The following PAICS variants were observed in gnomAD, a reference collection of about 807,000 sequenced individuals.
PAICS encodes the protein phosphoribosylaminoimidazole carboxylase and phosphoribosylaminoimidazolesuccinocarboxamide synthase, also known as bifunctional phosphoribosylaminoimidazole carboxylase/phosphoribosylaminoimidazole succinocarboxamide synthetase.
A neutral mutation model predicts 53.7 loss-of-function variants in PAICS; 33 were observed. The observed-to-expected ratio is 0.61, with a 90% CI of 0.47 to 0.82. The LOEUF (loss-of-function observed/expected upper bound fraction) is 0.82, where lower values mean the gene tolerates loss of function less well. Ranked by LOEUF, PAICS falls within the 40% of genes least tolerant of loss-of-function variation. The pLI is 0.00. For synonymous variants in PAICS, 141 were observed against 167.2 expected, an observed-to-expected ratio of 0.84 and a Z score of 1.21; for missense variants, 394 against 494.1, an observed-to-expected ratio of 0.80 and a Z score of 1.92.
upstream of PAICS, chr4:56,435,823 C>T (rs906998483): frequency 6.6e-7 from 1 of 1,508,638 alleles, no homozygotes; most frequent in Non-Finnish European, 8.9e-7. Flanking sequence ...TTCCAGCACC[C>T]AACAGTAGCG....
At chr4:56,430,014 T>C in the PAICS span, among the ~76,000 whole-genome samples, 5 of 152,160 alleles carry the variant, frequency 3.3e-5, no homozygotes, top group Non-Finnish European at 7.3e-5. Flanking sequence ...ATTCCAGCAC[T>C]GCCTTGGAGG....
At chr4:56,412,140 C>T in the PAICS span, among the ~76,000 whole-genome samples, 1 of 152,074 alleles carries the variant, frequency 6.6e-6, no homozygotes, top group African/African-American at 2.4e-5. Flanking sequence ...ATGTGGGTGC[C>T]AATATCTCAA....
At chr4:56,426,562 T>C in the PAICS span, among the ~76,000 whole-genome samples, 1 of 152,340 alleles carries the variant, frequency 6.6e-6, no homozygotes, top group African/African-American at 2.4e-5. Flanking sequence ...GTCTGGCTTC[T>C]TTTGTTTCAC....
the PAICS span, among the ~76,000 whole-genome samples, chr4:56,426,632 T>C: frequency 6.6e-6 from 1 of 152,190 alleles, no homozygotes; most frequent in Non-Finnish European, 1.5e-5. Flanking sequence ...TGAATAATAT[T>C]CCAATTTACA....
At chr4:56,426,088 C>T in the PAICS span, among the ~76,000 whole-genome samples, 2 of 152,102 alleles carry the variant, frequency 1.3e-5, no homozygotes, top group South Asian at 2.1e-4. Flanking sequence ...CATTTTAGAA[C>T]ATTTTGATCA....
intron 2 of PAICS, among the ~76,000 whole-genome samples, chr4:56,444,228 T>G (rs1242759227): frequency 6.6e-6 from 1 of 152,142 alleles, no homozygotes; most frequent in Non-Finnish European, 1.5e-5. Context: ...AGGAACAAAC[T>G]GTAAAGGACT....
At chr4:56,424,046 C>T in the PAICS span, among the ~76,000 whole-genome samples, 1 of 152,152 alleles carries the variant, frequency 6.6e-6, no homozygotes, top group Non-Finnish European at 1.5e-5. Flanking sequence ...CATGTAAAAA[C>T]AGAGGTCACT....
chr4:56,448,560 C>T lies in PAICS; in HGVS notation c.536C>T (p.Ser179Phe), dbSNP rs1718738943. 6.2e-7 allele frequency: 1 copy of T among 1,606,950 alleles called. No individual in the cohort carries two copies. Among genetic ancestry groups the T allele is most frequent in the African/African-American group, 1.3e-5 (1 of 74,744 alleles). ...TQAIFEILEK[S>F]WLPQNCTLVD... ...GCTATATTTGAAATACTGGAGAAAT[C>T]CTGGTTGCCCCAGAATTGTACACTG... Residue 179 changes from serine to phenylalanine, a missense_variant, in exon 4 of 9, where the codon TCC becomes TTC. Physicochemically the swap from Ser to Phe is radical, Grantham distance 155 (BLOSUM62 -2). This residue lies in a region of PAICS where 131 missense variants were observed against 205.5 expected (regional missense o/e 0.64). Transcript: ENST00000512576.
the PAICS span, chr4:56,416,437 A>T: frequency 1.6e-6 from 1 of 644,978 alleles, no homozygotes; most frequent in Non-Finnish European, 1.9e-6. Flanking sequence ...CAATGGAACT[A>T]GGTATAGTAT....
chr4:56,445,439 T>C (rs1718563509), intron 2 of PAICS, among the ~76,000 whole-genome samples: 2 of 151,838 alleles, frequency 1.3e-5, no homozygotes, highest in Admixed American at 6.6e-5. Flanking sequence ...ATACAAAAAT[T>C]AGCCAGGCGT....
the PAICS span, among the ~76,000 whole-genome samples, chr4:56,415,548 T>C: frequency 6.6e-6 from 1 of 152,220 alleles, no homozygotes; most frequent in Admixed American, 6.5e-5. Context: ...AAATGACATA[T>C]TCCTTAGTCC....
chr4:56,418,421 G>A, the PAICS span, among the ~76,000 whole-genome samples: 5 of 152,096 alleles, frequency 3.3e-5, no homozygotes, highest in African/African-American at 1.2e-4. Flanking sequence ...CCCGACTCAA[G>A]CAATCCTCCC....
rs1398426293 is a variant in PAICS at position 56,461,685 on chromosome 4, T to C, written c.*2147T>C. ...CCACACCCAATTATGAATTTCATCA[T>C]TAGTTTCTTAGTAGAGTCCACATGT... On this transcript the variant is annotated 3_prime_UTR_variant, in exon 9 of 9. Coordinates refer to ENST00000512576, the MANE Select transcript of PAICS (RefSeq NM_001079524.2). 6.6e-6 allele frequency: 1 copy of C among 152,164 alleles called. No individual in the cohort carries two copies. The highest frequency in any genetic ancestry group is 1.5e-5 in the Non-Finnish European group (1 of 68,042). The allele number at this position is 152,164 out of a possible 1,614,324, so 9.4% of individuals were successfully genotyped here.
upstream of PAICS, chr4:56,435,918 G>T (rs750777072): frequency 1.8e-4 from 265 of 1,491,748 alleles, no homozygotes; most frequent in Non-Finnish European, 2.4e-4. Flanking sequence ...CCCCCAGGCC[G>T]TCAAGACTTG....
At chr4:56,434,380 T>C (rs1717781071), upstream of PAICS, among the ~76,000 whole-genome samples, 2 of 152,266 alleles carry the variant, frequency 1.3e-5, no homozygotes, top group Non-Finnish European at 2.9e-5. Context: ...AACTGTAGTG[T>C]AAGTTGTTAC....
chr4:56,434,534 A>C (rs1449420962), upstream of PAICS, among the ~76,000 whole-genome samples: 1 of 152,110 alleles, frequency 6.6e-6, no homozygotes, highest in Non-Finnish European at 1.5e-5. Context: ...AAGCAAAGTA[A>C]TTTTTTTTAA....
chr4:56,436,302 CACT>C lies in PAICS; in HGVS notation c.-10_-8del. 1 of 1,601,814 alleles carries C rather than the reference CACT, an allele frequency of 6.2e-7. No individual in the cohort carries two copies. Among genetic ancestry groups the C allele is most frequent in the African/African-American group, 1.3e-5 (1 of 74,522 alleles). ...CCCGGCGCGGTCGCAGCCCTCAGCC[CACT>C]TAGGATAATGGCGACAGCTGAGGGT... is the stretch of plus-strand genomic sequence containing the variant. On this transcript the variant is annotated 5_prime_UTR_variant, in exon 1 of 9. Coordinates refer to ENST00000512576, the MANE Select transcript of PAICS (RefSeq NM_001079524.2).
chr4:56,410,899 TAAAAAAAAAAAA>T, the PAICS span: 1,317 of 677,478 alleles, frequency 1.9e-3, 1 homozygote, highest in Non-Finnish European at 2.1e-3. Context: ...CCACTGAAGG[TAAAAAAAAAAAA>T]AAAAAAAAAA....
At chr4:56,455,185 A>G (rs1379633066) in intron 8 of PAICS, among the ~76,000 whole-genome samples, 1 of 152,158 alleles carries the variant, frequency 6.6e-6, no homozygotes, top group African/African-American at 2.4e-5. Context: ...ATAATAACAT[A>G]AGGAAGTCCC....
Sources: allele counts gnomAD v4.1 joint callset (sites outside exome capture counted in the v4.1 genomes callset), GRCh38; gene constraint gnomAD v4.1.1; regional missense constraint gnomAD v4.1.1; transcripts MANE v1.5; gene names NCBI Gene and HGNC (gene_info 2026-07-23, HGNC 2026-07-21).